The following LRRC8B variants were observed in gnomAD, a reference collection of about 807,000 sequenced individuals.
LRRC8B encodes the protein volume-regulated anion channel subunit LRRC8B.
Under a neutral mutation model 58.8 loss-of-function variants are expected in LRRC8B, and 23 were observed. The observed-to-expected ratio is 0.39, with a 90% CI of 0.28 to 0.55. The LOEUF (loss-of-function observed/expected upper bound fraction) is 0.55, where lower values mean the gene tolerates loss of function less well. LRRC8B is among the 20% of genes least tolerant of loss of function. The probability of loss-of-function intolerance (pLI) is 0.62; values close to 1 mark genes in which losing one functional copy is unlikely to be tolerated. For missense variants in LRRC8B, 694 were observed against 936.0 expected (o/e 0.74, Z 3.37); for synonymous variants, 359 against 374.1 (o/e 0.96, Z 0.47).
Position 89,568,257 on chromosome 1 carries a change from A to T in LRRC8B, c.-230A>T, listed in dbSNP as rs1235184244. On this transcript the variant is annotated 5_prime_UTR_variant, in exon 2 of 6. Coordinates refer to ENST00000330947, the MANE Select transcript of LRRC8B (RefSeq NM_001369817.2). ...TGTTTCTCTCCCTAGGTAATAGTTA[A>T]CCTCTTCTGTGAGAAGTCAGAAGGT... The T allele has an allele frequency of 6.6e-6, 1 of 151,974 alleles. No homozygotes were observed. Among genetic ancestry groups the T allele is most frequent in the African/African-American group, 2.4e-5 (1 of 41,366 alleles). 9.4% of individuals were successfully genotyped at this position (151,974 alleles called of 1,614,324 possible).
chr1:89,591,693 G>T (rs756613088), intron 5 of LRRC8B, among the ~76,000 whole-genome samples: 69 of 152,276 alleles, frequency 4.5e-4, no homozygotes, highest in Non-Finnish European at 8.1e-4. Flanking sequence ...TTTGAGGAGA[G>T]ACAGTTCTGG....
chr1:89,589,811 A>G (rs1400573511), intron 5 of LRRC8B, among the ~76,000 whole-genome samples: 1 of 151,608 alleles, frequency 6.6e-6, no homozygotes, highest in Non-Finnish European at 1.5e-5. Flanking sequence ...GAAGGATTCT[A>G]AAGTAAGATC....
chr1:89,589,387 G>A lies in LRRC8B; in HGVS notation c.2140-3384G>A, dbSNP rs140201890. Among the ~76,000 whole-genome samples the A allele has an allele frequency of 7.9e-5, 12 of 152,338 alleles. No homozygotes were observed. In the East Asian group the frequency reaches 2.3e-3, roughly 29 times the overall value. On this transcript the variant is annotated intron_variant, in intron 5 of 5. Coordinates refer to ENST00000330947, the MANE Select transcript of LRRC8B (RefSeq NM_001369817.2). ...ATATGTGGGTGGACATGGAAGGTGGGAGAAATGGAGGCAAGATCCATCCCT... is the reference window on the plus strand; with the variant it reads ...ATATGTGGGTGGACATGGAAGGTGGAAGAAATGGAGGCAAGATCCATCCCT...
At chr1:89,532,557 A>G (rs999036593) in intron 1 of LRRC8B, among the ~76,000 whole-genome samples, 12 of 152,144 alleles carry the variant, frequency 7.9e-5, no homozygotes, top group Admixed American at 7.9e-4. Flanking sequence ...TGATGGTGTT[A>G]TAAGGGGCTT....
chr1:89,558,192 C>G (rs1652333680), intron 1 of LRRC8B, among the ~76,000 whole-genome samples: 1 of 152,096 alleles, frequency 6.6e-6, no homozygotes, highest in African/African-American at 2.4e-5. Context: ...CATGTTTGCA[C>G]TGTTGTCAAG....
chr1:89,542,312 C>T lies in LRRC8B; in HGVS notation c.-241+17290C>T, dbSNP rs182604082. Among the ~76,000 whole-genome samples, 123 of 152,286 alleles carry T rather than the reference C, an allele frequency of 8.1e-4. 1 individual carries two copies. The highest frequency in any genetic ancestry group is 1.3e-3 in the Non-Finnish European group (91 of 68,014). ...CTTCAAGGTGGTTCCTCTACCTGCC[C>T]CACAGCATCTGAAGCACTTACTGTG... On this transcript the variant is annotated intron_variant, in intron 1 of 5. Coordinates refer to ENST00000330947, the MANE Select transcript of LRRC8B (RefSeq NM_001369817.2).
chr1:89,536,843 T>C (rs370000893), intron 1 of LRRC8B, among the ~76,000 whole-genome samples: 18 of 152,334 alleles, frequency 1.2e-4, no homozygotes, highest in Admixed American at 6.5e-4. Context: ...TTCCAAGTTG[T>C]GTGAAAGAAA....
chr1:89,544,330 C>T (rs1651243295), intron 1 of LRRC8B, among the ~76,000 whole-genome samples: 1 of 152,128 alleles, frequency 6.6e-6, no homozygotes, highest in Non-Finnish European at 1.5e-5. Context: ...GTTTCTTTCC[C>T]TAATGAGATT....
intron 1 of LRRC8B, among the ~76,000 whole-genome samples, chr1:89,554,022 C>T (rs6428556): frequency 0.51 from 77,847 of 151,884 alleles, 20,220 homozygotes; most frequent in South Asian, 0.58. Context: ...CTAAAAGTGA[C>T]ATATTTACCC....
At chr1:89,555,277 A>G (rs553285763) in intron 1 of LRRC8B, among the ~76,000 whole-genome samples, 2 of 152,310 alleles carry the variant, frequency 1.3e-5, no homozygotes, top group South Asian at 2.1e-4. Context: ...TCTGAATGCT[A>G]TGGCTGAGCT....
In LRRC8B at chr1:89,583,305, G is replaced by A; in HGVS notation, c.655G>A (p.Glu219Lys). 6.2e-7 allele frequency: 1 copy of A among 1,614,202 alleles called. No homozygotes were observed. Among genetic ancestry groups the A allele is most frequent in the Non-Finnish European group, 8.5e-7 (1 of 1,180,032 alleles). The change falls in exon 5 of 6, where the codon GAA becomes AAA. Residue 219 changes from glutamate to lysine, a missense_variant. Coordinates refer to ENST00000330947, the MANE Select transcript of LRRC8B (RefSeq NM_001369817.2). This position sits in a 1 kb window ranked among gnomAD's most constrained non-coding sequence, Gnocchi z 5.2. Reference protein sequence around the residue: ...PQPGLESAGIESPTSSVLDKK... With the variant: ...PQPGLESAGIKSPTSSVLDKK... ...GCCAGGTTTGGAGTCAGCTGGCATA[G>A]AAAGCCCAACTTCCAGTGTCCTGGA...
intron 1 of LRRC8B, among the ~76,000 whole-genome samples, chr1:89,547,171 C>G (rs1430695054): frequency 6.6e-6 from 1 of 151,536 alleles, no homozygotes; most frequent in Non-Finnish European, 1.5e-5. Flanking sequence ...TCAGTGACAT[C>G]ATGTTGGTAC....
chr1:89,567,977 A>G (rs1653166061), intron 1 of LRRC8B, among the ~76,000 whole-genome samples: 1 of 152,182 alleles, frequency 6.6e-6, no homozygotes, highest in Non-Finnish European at 1.5e-5. Context: ...ACAATGGCAT[A>G]ATTGTATAAA....
intron 1 of LRRC8B, among the ~76,000 whole-genome samples, chr1:89,533,707 TCATTTCCTGGGATTCC>T (rs1650310811): frequency 6.6e-6 from 1 of 152,212 alleles, no homozygotes; most frequent in African/African-American, 2.4e-5. Flanking sequence ...TATATTTTGT[TCATTTCCTGGGATTCC>T]TGGGCCAGAC....
intron 1 of LRRC8B, among the ~76,000 whole-genome samples, chr1:89,530,763 C>G (rs993568833): frequency 4.6e-5 from 7 of 152,174 alleles, no homozygotes; most frequent in Admixed American, 4.6e-4. Flanking sequence ...AGCGGGTGGA[C>G]AACCCCAACG....
intron 3 of LRRC8B, among the ~76,000 whole-genome samples, chr1:89,575,796 ACTCCTGCCTCTCCG>A (rs1275818983): frequency 6.6e-6 from 1 of 151,706 alleles, no homozygotes; most frequent in East Asian, 1.9e-4. Context: ...AATCCACTTG[ACTCCTGCCTCTCCG>A]TGGACCTCTT....
Position 89,582,926 on chromosome 1 carries a change from A to G in LRRC8B, c.276A>G (p.Arg92=). The change falls in exon 5 of 6, where the codon CGA becomes CGG. Residue 92 remains arginine, a synonymous_variant. Transcript: ENST00000330947. ...GGACACCGCTTCCGCTCCCCCTCCGAATTCAGAATGACCTCCACCGACAGC... is the reference window on the plus strand; with the variant it reads ...GGACACCGCTTCCGCTCCCCCTCCGGATTCAGAATGACCTCCACCGACAGC... ...NPGTPLPLPL[R]IQNDLHRQQY... is the part of the protein sequence containing the mutation. 6.2e-7 allele frequency: 1 copy of G among 1,614,050 alleles called. No homozygotes were observed.
intron 3 of LRRC8B, among the ~76,000 whole-genome samples, chr1:89,579,021 T>G (rs957684643): frequency 9.2e-5 from 14 of 152,208 alleles, no homozygotes; most frequent in Non-Finnish European, 1.9e-4. Context: ...AACTTATCAC[T>G]TTTTCTAATG....
rs532522593 is a variant in LRRC8B, at chr1:89,542,224, G to C, written c.-241+17202G>C. Among the ~76,000 whole-genome samples, 22 of 152,272 alleles carry C rather than the reference G, an allele frequency of 1.4e-4. No individual in the cohort carries two copies. In the South Asian group the frequency reaches 4.4e-3, roughly 30 times the overall value. On this transcript the variant is annotated intron_variant, in intron 1 of 5. Coordinates refer to ENST00000330947, the MANE Select transcript of LRRC8B (RefSeq NM_001369817.2). ...CTAGAGAAGAGTGTCATCTGCTAGG[G>C]CAAGCTTTTGAGCTCTCTGGCTCAG...
Sources: gnomAD v4.1 joint callset for allele counts (sites outside exome capture counted in the v4.1 genomes callset) on GRCh38, gnomAD v4.1.1 for gene constraint, Gnocchi (gnomAD v3.1) non-coding constraint, MANE v1.5 for transcripts, NCBI Gene and HGNC (gene_info 2026-07-23, HGNC 2026-07-21) for gene names.